Variants in PPM1H observed in about 807,000 individuals in gnomAD.
PPM1H encodes the protein protein phosphatase, Mg2+/Mn2+ dependent 1H, also known as protein phosphatase 1H.
In PPM1H, 27 loss-of-function variants were observed where a neutral mutation model predicts 54.9. The observed-to-expected ratio is 0.49, with a 90% confidence interval of 0.36 to 0.68. The LOEUF is 0.68. Among genes scored for constraint, PPM1H ranks in the 30% least tolerant of loss-of-function variants. PPM1H has a pLI of 0.00. For missense variants in PPM1H, 596 were observed against 667.8 expected (o/e 0.89, Z 1.19); for synonymous variants, 305 against 270.8 (o/e 1.13, Z -1.24).
At chr12:62,912,827 C>T (rs557016459) in intron 1 of PPM1H, among the ~76,000 whole-genome samples, 14 of 152,260 alleles carry the variant, frequency 9.2e-5, no homozygotes, top group African/African-American at 3.1e-4. Flanking sequence ...CAGATTTGTT[C>T]CCCAGCTGTT....
intron 8 of PPM1H, among the ~76,000 whole-genome samples, chr12:62,688,758 G>A (rs1290397096): frequency 2.6e-5 from 4 of 152,206 alleles, no homozygotes; most frequent in Non-Finnish European, 2.9e-5. Flanking sequence ...CACTTAGGGA[G>A]GCTGAGACGG....
intron 1 of PPM1H, among the ~76,000 whole-genome samples, chr12:62,924,568 A>T (rs1411913428): frequency 6.6e-6 from 1 of 152,230 alleles, no homozygotes; most frequent in Non-Finnish European, 1.5e-5. Context: ...ACTATCATCC[A>T]CTGGTCTTAT....
chr12:62,781,592 T>C (rs12578305), intron 4 of PPM1H, among the ~76,000 whole-genome samples: 30 of 152,362 alleles, frequency 2.0e-4, no homozygotes, highest in East Asian at 1.3e-3. Context: ...TAGGACTTGC[T>C]AAACACAGAC....
intron 8 of PPM1H, among the ~76,000 whole-genome samples, chr12:62,683,591 T>TA (rs2076035340): frequency 6.6e-6 from 1 of 152,090 alleles, no homozygotes; most frequent in African/African-American, 2.4e-5. Context: ...TCTGGAGTTA[T>TA]AAAAAATACC....
chr12:62,732,966 T>C (rs2120508826), intron 5 of PPM1H, among the ~76,000 whole-genome samples: 1 of 152,316 alleles, frequency 6.6e-6, no homozygotes, highest in Middle Eastern at 3.4e-3. Flanking sequence ...TTTGTAATCA[T>C]TCAAGGGAAT....
intron 1 of PPM1H, among the ~76,000 whole-genome samples, chr12:62,857,689 C>G (rs1174506263): frequency 6.6e-6 from 1 of 152,156 alleles, no homozygotes; most frequent in Admixed American, 6.5e-5. Context: ...TGCTGAAGCT[C>G]AAATTCATGT....
At chr12:62,692,932 GAC>G (rs71278272) in intron 7 of PPM1H, among the ~76,000 whole-genome samples, 8,996 of 146,746 alleles carry the variant, frequency 0.061, 394 homozygotes, top group Admixed American at 0.11. Context: ...CTTTTGCTCT[GAC>G]ACACACACAC....
At chr12:62,886,685 C>A (rs1289800004) in intron 1 of PPM1H, among the ~76,000 whole-genome samples, 1 of 152,178 alleles carries the variant, frequency 6.6e-6, no homozygotes, top group African/African-American at 2.4e-5. Context: ...TCAGAAGTGA[C>A]AAATCAGGGT....
chr12:62,697,313 TCACCATGTTGACCAGG>T (rs2120361572), intron 6 of PPM1H, among the ~76,000 whole-genome samples: 1 of 152,192 alleles, frequency 6.6e-6, no homozygotes, highest in South Asian at 2.1e-4. Flanking sequence ...AGATACGGTT[TCACCATGTTGACCAGG>T]CTGGTCCTGA....
intron 1 of PPM1H, among the ~76,000 whole-genome samples, chr12:62,886,748 C>T (rs902270551): frequency 4.6e-5 from 7 of 152,188 alleles, no homozygotes; most frequent in Non-Finnish European, 8.8e-5. Context: ...ATAGTTGTCA[C>T]ATACAGAATA....
intron 1 of PPM1H, among the ~76,000 whole-genome samples, chr12:62,926,398 A>T (rs1254091676): frequency 3.3e-5 from 5 of 152,164 alleles, no homozygotes; most frequent in Non-Finnish European, 7.3e-5. Flanking sequence ...TAAGTAGCTA[A>T]AAGGAGTAGG....
intron 1 of PPM1H, among the ~76,000 whole-genome samples, chr12:62,867,542 T>C (rs1411880979): frequency 6.8e-6 from 1 of 147,402 alleles, no homozygotes; most frequent in Admixed American, 6.9e-5. Context: ...CTTCCTCTCC[T>C]GAAATACATC....
chr12:62,652,197 G>A (rs1401283699), intron 9 of PPM1H, among the ~76,000 whole-genome samples: 12 of 152,166 alleles, frequency 7.9e-5, no homozygotes, highest in African/African-American at 1.2e-4. Flanking sequence ...ACAGGGCAGT[G>A]TAGGACTTCT....
intron 2 of PPM1H, among the ~76,000 whole-genome samples, chr12:62,807,073 CG>C (rs2076809056): frequency 6.6e-6 from 1 of 152,060 alleles, no homozygotes; most frequent in African/African-American, 2.4e-5. Context: ...AAGGGCCCTG[CG>C]GTAGAATGGG....
chr12:62,898,567 A>G (rs1871065869), intron 1 of PPM1H, among the ~76,000 whole-genome samples: 1 of 152,192 alleles, frequency 6.6e-6, no homozygotes, highest in Admixed American at 6.5e-5. Flanking sequence ...CACACTTCTT[A>G]ATTTGTTCCT....
At chr12:62,883,789 C>G (rs749080121) in intron 1 of PPM1H, among the ~76,000 whole-genome samples, 14 of 152,078 alleles carry the variant, frequency 9.2e-5, no homozygotes, top group Non-Finnish European at 1.8e-4. Flanking sequence ...CTTGCCAGGA[C>G]CCAAACCAAC....
intron 6 of PPM1H, among the ~76,000 whole-genome samples, chr12:62,716,760 G>T (rs1049375889): frequency 2.6e-5 from 4 of 151,708 alleles, no homozygotes; most frequent in African/African-American, 9.7e-5. Flanking sequence ...GAACTCCTGG[G>T]CTTAAGTGAT....
At chr12:62,651,056 CCTGG>C (rs1180721499) in intron 9 of PPM1H, among the ~76,000 whole-genome samples, 1 of 152,160 alleles carries the variant, frequency 6.6e-6, no homozygotes, top group Non-Finnish European at 1.5e-5. Flanking sequence ...GGTTCAGAAA[CCTGG>C]CTAAGTTTAT....
At chr12:62,812,866 T>G (rs2076843349) in intron 2 of PPM1H, among the ~76,000 whole-genome samples, 3 of 151,104 alleles carry the variant, frequency 2.0e-5, no homozygotes, top group African/African-American at 7.3e-5. Context: ...ATCTAACTAT[T>G]AAACAAGGAG....
Sources: gnomAD v4.1 joint callset for allele counts (sites outside exome capture counted in the v4.1 genomes callset) on GRCh38, gnomAD v4.1.1 for gene constraint, MANE v1.5 for transcripts, NCBI Gene and HGNC (gene_info 2026-07-23, HGNC 2026-07-21) for gene names.